Variants in PTTG1IP observed in about 807,000 individuals in gnomAD.
PTTG1IP encodes PTTG1 interacting protein.
In PTTG1IP, 16 loss-of-function variants were observed where a neutral mutation model predicts 24.4. The ratio of observed to expected loss-of-function variants is 0.66; its 90% CI spans 0.44 to 1.00. The LOEUF (loss-of-function observed/expected upper bound fraction) is 1.00, where lower values mean the gene tolerates loss of function less well. PTTG1IP is among the 50% of genes least tolerant of loss of function. The probability of loss-of-function intolerance (pLI) is 0.00; values close to 1 mark genes in which losing one functional copy is unlikely to be tolerated. For synonymous variants in PTTG1IP, 89 were observed against 96.8 expected (o/e 0.92, Z 0.47); for missense variants, 241 against 245.8 (o/e 0.98, Z 0.13).
rs538102235 is a variant in PTTG1IP, at chr21:44,865,335, G to C, written c.168+60C>G. ...CAGCGAATCCCTGGACCTAGAGAAA[G>C]CCCGTGTGCCTTTGGACGGTCTGGA... On this transcript the variant is annotated intron_variant, in intron 2 of 5. Coordinates refer to ENST00000330938, the MANE Select transcript of PTTG1IP (RefSeq NM_004339.4). 2.8e-5 allele frequency: 43 copies of C among 1,539,176 alleles called. No homozygotes were observed. The African/African-American group carries it at 5.0e-4, about 18-fold the overall frequency.
intron 3 of PTTG1IP, among the ~76,000 whole-genome samples, 175 bp downstream of exon 3, chr21:44,860,988 G>C (rs2083486692): frequency 6.6e-6 from 1 of 152,022 alleles, no homozygotes; most frequent in Non-Finnish European, 1.5e-5. Flanking sequence ...ATTTTTAATA[G>C]AGACGGGGCT....
At chr21:44,855,375 A>G in intron 4 of PTTG1IP, 119 bp from the exon 5 acceptor site, 1 of 1,039,704 alleles carries the variant, frequency 9.6e-7, no homozygotes, top group Non-Finnish European at 1.5e-6. Context: ...GCTTCCCTCC[A>G]GTTCCCAGAG....
chr21:44,865,284 CA>C, intron 2 of PTTG1IP, 110 bp downstream of exon 2: 1 of 1,126,282 alleles, frequency 8.9e-7, no homozygotes, highest in Non-Finnish European at 1.3e-6. Context: ...CCCCAAATCC[CA>C]AACAACAGAG....
At chr21:44,855,180 A>G in intron 5 of PTTG1IP, 30 bp downstream of exon 5, 1 of 1,591,046 alleles carries the variant, frequency 6.3e-7, no homozygotes, top group Non-Finnish European at 8.6e-7. Context: ...CCTCCCAACC[A>G]GACAAAAAGG....
At chr21:44,851,664 T>C in intron 5 of PTTG1IP, 37 bp from the exon 6 acceptor site, 1 of 1,540,118 alleles carries the variant, frequency 6.5e-7, no homozygotes, top group East Asian at 2.3e-5. Context: ...ACTTCATTCA[T>C]TCAACCAGAA....
In PTTG1IP at chr21:44,867,439, G is replaced by A. The variant is rs551199344; in HGVS notation, c.116-1992C>T. 3.0e-3 allele frequency among the ~76,000 whole-genome samples: 458 copies of A among 152,068 alleles called. 10 individuals are homozygous for A. Among genetic ancestry groups the A allele is most frequent in the East Asian group, 1.2e-3 (6 of 5,182 alleles). On this transcript the variant is annotated intron_variant, in intron 1 of 5. Transcript: ENST00000330938. ...ATGGCTGCCTGGGGGACGGCCATGC[G>A]TGGGGGAGGCTGAATCTTCCAGATC...
chr21:44,863,141 C>CA lies in PTTG1IP; in HGVS notation c.169-1871_169-1870insT, dbSNP rs1471317832. ...AGCAGCACAGAGACACAGCCCACCA[C>CA]GGCCTCAGCAGCAGAGACACAGCCC... is the stretch of plus-strand genomic sequence containing the variant. On this transcript the variant is annotated intron_variant, in intron 2 of 5. Transcript: ENST00000330938. Among the ~76,000 whole-genome samples the CA allele has an allele frequency of 7.7e-3, 1,121 of 144,854 alleles. 151 individuals are homozygous for CA. Among genetic ancestry groups the CA allele is most frequent in the African/African-American group, 0.028 (1,051 of 37,450 alleles).
intron 2 of PTTG1IP, among the ~76,000 whole-genome samples, chr21:44,863,374 C>A (rs1264020868): frequency 1.3e-5 from 2 of 152,088 alleles, no homozygotes; most frequent in African/African-American, 4.8e-5. Flanking sequence ...CAGGCACTGA[C>A]ACCTCCTTCC....
chr21:44,864,266 G>A (rs1427241929), intron 2 of PTTG1IP, among the ~76,000 whole-genome samples: 2 of 152,250 alleles, frequency 1.3e-5, no homozygotes, highest in Non-Finnish European at 2.9e-5. Flanking sequence ...TCATAGCGCT[G>A]CGAGGAGACT....
rs1349695433 is a variant in PTTG1IP, at chr21:44,851,347, C to A, written c.*234G>T. ...AAAAAAGCCCAAACCCCAAAGATTT[C>A]TTATTTCAAGTGACTAAATCTAGAA... On this transcript the variant is annotated 3_prime_UTR_variant, in exon 6 of 6. Coordinates refer to ENST00000330938, the MANE Select transcript of PTTG1IP (RefSeq NM_004339.4). The A allele has an allele frequency of 3.3e-6, 5 of 1,503,260 alleles. No individual in the cohort carries two copies. Among genetic ancestry groups the A allele is most frequent in the African/African-American group, 1.4e-5 (1 of 71,934 alleles). 93.1% of individuals were successfully genotyped at this position (1,503,260 alleles called of 1,614,324 possible). A position where few individuals can be genotyped will look rare whatever the true frequency, so the allele number is the denominator to read the frequency against.
chr21:44,873,485 C>T lies in PTTG1IP; in HGVS notation c.115+17G>A, dbSNP rs2083607595. The T allele has an allele frequency of 2.9e-6, 4 of 1,381,358 alleles. No individual in the cohort carries two copies. Among genetic ancestry groups the T allele is most frequent in the Non-Finnish European group, 1.9e-6 (2 of 1,074,032 alleles). The allele number at this position is 1,381,358 out of a possible 1,614,324, so 85.6% of individuals were successfully genotyped here. A position where few individuals can be genotyped will look rare whatever the true frequency, so the allele number is the denominator to read the frequency against. Reference sequence around the variant, plus strand: ...GCCCCGCCCCCTTCGCGGCCCCGCCCGCCCCGGCGCCCTCACCAGCTCCGG... The same window carrying T: ...GCCCCGCCCCCTTCGCGGCCCCGCCTGCCCCGGCGCCCTCACCAGCTCCGG... On this transcript the variant is annotated intron_variant, in intron 1 of 5. Coordinates refer to ENST00000330938, the MANE Select transcript of PTTG1IP (RefSeq NM_004339.4).
At chr21:44,863,564 T>C (rs955665389) in intron 2 of PTTG1IP, among the ~76,000 whole-genome samples, 1 of 152,216 alleles carries the variant, frequency 6.6e-6, no homozygotes, top group African/African-American at 2.4e-5. Context: ...ACGAGATGGC[T>C]GTCATCACCA....
chr21:44,858,320 C>G (rs1207565112), intron 3 of PTTG1IP, among the ~76,000 whole-genome samples: 1 of 152,216 alleles, frequency 6.6e-6, no homozygotes, highest in Non-Finnish European at 1.5e-5. Context: ...GGTGCAAGAC[C>G]TAAAACGGGT....
At chr21:44,866,449 GTGCCT>G (rs1569326439) in intron 1 of PTTG1IP, among the ~76,000 whole-genome samples, 12 of 27,272 alleles carry the variant, frequency 4.4e-4, no homozygotes, top group Non-Finnish European at 6.4e-4. Flanking sequence ...CACACACAGA[GTGCCT>G]ACTCCCCCAA....
rs561483815 is a variant in PTTG1IP, at chr21:44,858,681, G to A, written c.278-2317C>T. Among the ~76,000 whole-genome samples, 3 of 152,366 alleles carry A rather than the reference G, an allele frequency of 2.0e-5. No individual in the cohort carries two copies. The East Asian group carries it at 5.8e-4, about 29-fold the overall frequency. ...TGCTGCCGCTCTCATGTGCAGGGCT[G>A]GGTGTTGTGTGTCCATCCACTTCTG... On this transcript the variant is annotated intron_variant, in intron 3 of 5. Transcript: ENST00000330938.
At chr21:44,856,460 A>G in intron 3 of PTTG1IP, 96 bp from the exon 4 acceptor site, 1 of 1,357,906 alleles carries the variant, frequency 7.4e-7, no homozygotes, top group Non-Finnish European at 1.0e-6. Context: ...ACCTCAGGAC[A>G]CAGGAGCATA....
At chr21:44,859,041 G>A (rs1384969928) in intron 3 of PTTG1IP, among the ~76,000 whole-genome samples, 3 of 152,172 alleles carry the variant, frequency 2.0e-5, no homozygotes, top group South Asian at 2.1e-4. Context: ...CGCCTGTGCC[G>A]GCACCAACAC....
chr21:44,869,636 G>T (rs748472232), intron 1 of PTTG1IP, among the ~76,000 whole-genome samples: 1 of 152,300 alleles, frequency 6.6e-6, no homozygotes, highest in South Asian at 2.1e-4. Context: ...ACAAACAATT[G>T]TATTATAAAT....
chr21:44,856,404 A>G, intron 3 of PTTG1IP, 40 bp from the exon 4 acceptor site: 1 of 1,576,826 alleles, frequency 6.3e-7, no homozygotes, highest in Non-Finnish European at 8.6e-7. Context: ...CGCCCCAGAC[A>G]CAGAACCCAC....
Sources: gnomAD v4.1 joint callset for allele counts (sites outside exome capture counted in the v4.1 genomes callset) on GRCh38, gnomAD v4.1.1 for gene constraint, MANE v1.5 for transcripts, NCBI Gene and HGNC (gene_info 2026-07-23, HGNC 2026-07-21) for gene names.